Variants in HPCAL1 observed in about 807,000 individuals in gnomAD.
The protein encoded by HPCAL1 is hippocalcin like 1.
In HPCAL1, 8 loss-of-function variants were observed where a neutral mutation model predicts 17.1. The ratio of observed to expected loss-of-function variants is 0.47; its 90% CI spans 0.27 to 0.84. The LOEUF is 0.84. Ranked by LOEUF, HPCAL1 falls within the 40% of genes least tolerant of loss-of-function variation. The probability of loss-of-function intolerance (pLI) is 0.13; values close to 1 mark genes in which losing one functional copy is unlikely to be tolerated. For synonymous variants in HPCAL1, 112 were observed against 111.4 expected, an observed-to-expected ratio of 1.01 and a Z score of -0.03; for missense variants, 165 against 271.1, an observed-to-expected ratio of 0.61 and a Z score of 2.75.
At position 10,346,604 on chromosome 2, in the gene HPCAL1, C is replaced by T. The variant is rs143368305; in HGVS notation, c.-111+43427C>T. The stretch of plus-strand genomic sequence containing the variant: ...AAAAGCACTGTCCAGTTGACATAAC[C>T]GGTCTACCAGGCTGAGACCCACAGA... On this transcript the variant is annotated intron_variant, in intron 1 of 4. Transcript: ENST00000307845. Among the ~76,000 whole-genome samples the T allele has an allele frequency of 1.8e-3, 270 of 152,308 alleles. 1 individual carries two copies. The highest frequency in any genetic ancestry group is 6.3e-3 in the African/African-American group (260 of 41,566).
intron 1 of HPCAL1, chr2:10,303,615 G>A (rs1351013348): frequency 6.0e-3 from 2 of 334 alleles, no homozygotes; most frequent in Non-Finnish European, 7.8e-3. Context: ...GGACAGCTGG[G>A]ACCCGACGGG....
At chr2:10,326,743 G>A (rs750252978) in intron 1 of HPCAL1, among the ~76,000 whole-genome samples, 1 of 152,350 alleles carries the variant, frequency 6.6e-6, no homozygotes, top group Admixed American at 6.5e-5. Flanking sequence ...AGCACAGGGT[G>A]TGGGTGTGAC....
intron 2 of HPCAL1, among the ~76,000 whole-genome samples, chr2:10,405,742 G>A (rs1466167732): frequency 6.6e-6 from 1 of 152,204 alleles, no homozygotes; most frequent in Admixed American, 6.5e-5. Flanking sequence ...AAGCCAGGGT[G>A]GGGGCCTCGG....
chr2:10,410,472 A>G, intron 2 of HPCAL1, among the ~76,000 whole-genome samples: 1 of 114,054 alleles, frequency 8.8e-6, no homozygotes, highest in East Asian at 2.7e-4. Context: ...ACAATTCAGC[A>G]GATTAAGAAC....
rs1667634521 is a variant in HPCAL1, at chr2:10,377,359, G to A, written c.-110-19476G>A. On this transcript the variant is annotated intron_variant, in intron 1 of 4. Coordinates refer to ENST00000307845, the MANE Select transcript of HPCAL1 (RefSeq NM_002149.4). The surrounding 1 kb of genome is among the most constrained non-coding windows in gnomAD (Gnocchi z 5.9). ...ACACCAGCAGTGCTTTACCTGGAAA[G>A]GTGTCTGAACAGTGCTTGCAAAGGT... Among the ~76,000 whole-genome samples, 1 of 152,218 alleles carries A rather than the reference G, an allele frequency of 6.6e-6. No homozygotes were observed. Among genetic ancestry groups the A allele is most frequent in the African/African-American group, 2.4e-5 (1 of 41,452 alleles).
At chr2:10,386,498 C>G (rs532217098) in intron 1 of HPCAL1, among the ~76,000 whole-genome samples, 56 of 152,266 alleles carry the variant, frequency 3.7e-4, no homozygotes, top group African/African-American at 1.3e-3. Flanking sequence ...AGACCCCCCC[C>G]CAGGTTACAG....
At chr2:10,418,446 C>CAA (rs58884767) in intron 2 of HPCAL1, among the ~76,000 whole-genome samples, 260 of 59,946 alleles carry the variant, frequency 4.3e-3, no homozygotes, top group Non-Finnish European at 4.8e-3. Context: ...GACTCCATCT[C>CAA]AAAAAAAAAA....
At chr2:10,399,285 A>T (rs978721604) in intron 2 of HPCAL1, among the ~76,000 whole-genome samples, 4 of 128,876 alleles carry the variant, frequency 3.1e-5, no homozygotes, top group African/African-American at 8.3e-5. Flanking sequence ...CACCATCACC[A>T]CCACCACCAC....
At chr2:10,369,426 A>G (rs761001974) in intron 1 of HPCAL1, among the ~76,000 whole-genome samples, 4 of 152,260 alleles carry the variant, frequency 2.6e-5, no homozygotes, top group Non-Finnish European at 5.9e-5. Flanking sequence ...GAGGACCTAC[A>G]GGAATGTCTG....
intron 1 of HPCAL1, among the ~76,000 whole-genome samples, chr2:10,390,929 A>T (rs1167963873): frequency 1.3e-5 from 2 of 152,222 alleles, no homozygotes; most frequent in Admixed American, 1.3e-4. Flanking sequence ...TCCTTAGAGA[A>T]CATGAATATT....
intron 1 of HPCAL1, among the ~76,000 whole-genome samples, chr2:10,376,138 A>G (rs1431762840): frequency 6.6e-6 from 1 of 152,208 alleles, no homozygotes; most frequent in East Asian, 1.9e-4. Context: ...CCATGATCGT[A>G]AGCTACACCA....
intron 2 of HPCAL1, chr2:10,408,720 G>C (rs971462015): frequency 6.6e-6 from 1 of 152,238 alleles, no homozygotes; most frequent in Non-Finnish European, 1.5e-5. Context: ...AAAGAGAACC[G>C]TGTGGGACTC....
chr2:10,368,505 C>T (rs1050835353), intron 1 of HPCAL1, among the ~76,000 whole-genome samples: 9 of 152,204 alleles, frequency 5.9e-5, no homozygotes, highest in African/African-American at 1.7e-4. Flanking sequence ...CAGAGTAAGT[C>T]AAGCCTGCTT....
At chr2:10,340,004 A>G (rs1449228795) in intron 1 of HPCAL1, among the ~76,000 whole-genome samples, 1 of 152,186 alleles carries the variant, frequency 6.6e-6, no homozygotes, top group African/African-American at 2.4e-5. Context: ...CATTGGGATG[A>G]GTTCTTTCAC....
rs545381020 is a variant in HPCAL1 at position 10,389,580 on chromosome 2, A to G, written c.-110-7255A>G. Among the ~76,000 whole-genome samples, 85 of 152,356 alleles carry G rather than the reference A, an allele frequency of 5.6e-4. 1 individual carries two copies. The highest frequency in any genetic ancestry group is 1.8e-3 in the African/African-American group (76 of 41,582). ...TCCAGCCCCCAGAACTGTAAGAGGT[A>G]AATGTTTGTTATTGAAGCCACCCAG... On this transcript the variant is annotated intron_variant, in intron 1 of 4. Coordinates refer to ENST00000307845, the MANE Select transcript of HPCAL1 (RefSeq NM_002149.4).
At chr2:10,306,926 CA>C (rs1258445126) in intron 1 of HPCAL1, among the ~76,000 whole-genome samples, 6 of 152,202 alleles carry the variant, frequency 3.9e-5, no homozygotes, top group Admixed American at 2.0e-4. Flanking sequence ...CCTCCTCTGC[CA>C]GCAGCAGGGC....
chr2:10,306,672 T>A (rs1204060464), intron 1 of HPCAL1, among the ~76,000 whole-genome samples: 2 of 152,198 alleles, frequency 1.3e-5, no homozygotes, highest in Admixed American at 1.3e-4. Context: ...GTGGTGCAGA[T>A]TGTAATATGA....
chr2:10,303,789 G>C (rs1359545762), intron 1 of HPCAL1: 1 of 152,234 alleles, frequency 6.6e-6, no homozygotes, highest in Non-Finnish European at 1.5e-5. Context: ...TGGCCTCCCC[G>C]CGACCCGCAC....
chr2:10,365,482 G>A lies in HPCAL1; in HGVS notation c.-110-31353G>A, dbSNP rs944520144. On this transcript the variant is annotated intron_variant, in intron 1 of 4. Transcript: ENST00000307845. The surrounding 1 kb of genome is among the most constrained non-coding windows in gnomAD (Gnocchi z 4.8). ...GTAGAGCGGGTCGAAGGCTTGCGGA[G>A]GGACAGGTGGGTCTCCCATGGATGG... Among the ~76,000 whole-genome samples, 2 of 152,184 alleles carry A rather than the reference G, an allele frequency of 1.3e-5. No homozygotes were observed. The highest frequency in any genetic ancestry group is 2.9e-5 in the Non-Finnish European group (2 of 68,038).
Sources: gnomAD v4.1 joint callset for allele counts (sites outside exome capture counted in the v4.1 genomes callset) on GRCh38, gnomAD v4.1.1 for gene constraint, Gnocchi (gnomAD v3.1) non-coding constraint, MANE v1.5 for transcripts, NCBI Gene and HGNC (gene_info 2026-07-23, HGNC 2026-07-21) for gene names.